The following MIAT variants were observed in gnomAD, a reference collection of about 807,000 sequenced individuals.
The protein encoded by MIAT is MI related novel mRNA.
At chr22:26,648,319 A>G (rs1307225176) in intron 2 of MIAT, among the ~76,000 whole-genome samples, 3 of 152,210 alleles carry the variant, frequency 2.0e-5, no homozygotes, top group African/African-American at 7.2e-5. Context: ...ACAAAAGGCC[A>G]GACAAAGAAG....
At chr22:26,667,400 A>ATG in intron 5 of MIAT, 1 of 381,952 alleles carries the variant, frequency 2.6e-6, no homozygotes, top group Non-Finnish European at 4.6e-6. Context: ...GCATGCGTGC[A>ATG]TGTGTGTGCG....
chr22:26,656,787 G>C (rs1369373306), intron 2 of MIAT, among the ~76,000 whole-genome samples: 3 of 152,166 alleles, frequency 2.0e-5, no homozygotes, highest in Non-Finnish European at 2.9e-5. Context: ...TGTAGTCCCA[G>C]CTACTCCGAA....
chr22:26,675,457 C>G (rs530516247), exon 5 of MIAT: 29 of 398,612 alleles, frequency 7.3e-5, no homozygotes, highest in African/African-American at 5.1e-4. Context: ...GCTTTTCCAG[C>G]CCAGGTGGAA....
In MIAT at chr22:26,667,417, T is replaced by C. The variant is rs1234080360; in HGVS notation, n.2262+107T>C. Reference sequence around the variant, plus strand: ...ATGCGTGCATGTGTGTGCGCGTGTATGTGTGTGTATGCGCGCGTGTGTGTG... The same window carrying C: ...ATGCGTGCATGTGTGTGCGCGTGTACGTGTGTGTATGCGCGCGTGTGTGTG... On this transcript the variant is annotated intron_variant and non_coding_transcript_variant, in intron 5 of 5. Coordinates refer to ENST00000643270, the Ensembl canonical transcript of MIAT. The C allele has an allele frequency of 5.7e-5, 17 of 300,860 alleles. No homozygotes were observed. The Admixed American group carries it at 1.2e-3, about 20-fold the overall frequency. The allele number at this position is 300,860 out of a possible 1,614,324, so 18.6% of individuals were successfully genotyped here.
exon 4 of MIAT, chr22:26,665,940 G>A (rs573897076): frequency 2.5e-6 from 1 of 398,676 alleles, no homozygotes; most frequent in Admixed American, 4.4e-5. Context: ...GGGACTCCCT[G>A]ATGATGTGAA....
chr22:26,653,137 C>T (rs190408314), intron 2 of MIAT, among the ~76,000 whole-genome samples: 66 of 152,310 alleles, frequency 4.3e-4, no homozygotes, highest in African/African-American at 1.4e-3. Context: ...CTTTGCTCAC[C>T]ACAAAGGCAC....
chr22:26,663,082 C>T (rs921314266), intron 2 of MIAT, among the ~76,000 whole-genome samples: 17 of 152,138 alleles, frequency 1.1e-4, no homozygotes, highest in Admixed American at 8.5e-4. Flanking sequence ...CACAGTTTGC[C>T]GGTGGCAGAG....
At chr22:26,674,421 G>A (rs1931183131), downstream of MIAT, 1 of 398,690 alleles carries the variant, frequency 2.5e-6, no homozygotes, top group African/African-American at 2.1e-5. Context: ...GAGTCTGCAG[G>A]AGAAGACAGT....
At chr22:26,663,336 A>T (rs1028385365) in exon 3 of MIAT, 2 of 398,514 alleles carry the variant, frequency 5.0e-6, no homozygotes, top group Non-Finnish European at 8.8e-6. Flanking sequence ...CTGTCCACCC[A>T]TGTGGTTCCA....
chr22:26,655,695 T>A (rs528681792), intron 2 of MIAT, among the ~76,000 whole-genome samples: 1 of 152,192 alleles, frequency 6.6e-6, no homozygotes, highest in Non-Finnish European at 1.5e-5. Flanking sequence ...GTTCTGAAGG[T>A]CGCTGGAATG....
chr22:26,663,616 G>T (rs1326606301), intron 3 of MIAT: 4 of 381,566 alleles, frequency 1.0e-5, no homozygotes, highest in Admixed American at 9.0e-5. Context: ...TGAAAGCTGA[G>T]ATGATGAGGC....
At chr22:26,651,557 C>T (rs529068020) in intron 2 of MIAT, among the ~76,000 whole-genome samples, 6 of 152,238 alleles carry the variant, frequency 3.9e-5, no homozygotes, top group African/African-American at 7.2e-5. Flanking sequence ...CCCAAAAGAA[C>T]GGAAAAGAAG....
At chr22:26,667,431 C>CGT (rs1792777643) in intron 5 of MIAT, 7 of 392,870 alleles carry the variant, frequency 1.8e-5, no homozygotes, top group South Asian at 1.4e-4. Context: ...TGTGTATGCG[C>CGT]GCGTGTGTGT....
At chr22:26,654,116 CAAT>C (rs1179566528) in intron 2 of MIAT, among the ~76,000 whole-genome samples, 1 of 152,128 alleles carries the variant, frequency 6.6e-6, no homozygotes, top group Non-Finnish European at 1.5e-5. Context: ...TACTTTAGAA[CAAT>C]AAATAGTCCA....
intron 2 of MIAT, chr22:26,660,823 G>A (rs1202980791): frequency 3.9e-5 from 6 of 152,250 alleles, no homozygotes; most frequent in Non-Finnish European, 5.9e-5. Flanking sequence ...GCAGGTCCGT[G>A]TGCAAATCCT....
exon 4 of MIAT, chr22:26,665,569 A>G (rs768062618): frequency 1.6e-4 from 62 of 398,662 alleles, no homozygotes; most frequent in Non-Finnish European, 1.6e-4. Flanking sequence ...ACAGAAGGGA[A>G]TTTCCAGGTT....
chr22:26,674,774 A>G lies in MIAT; in HGVS notation n.8442A>G, dbSNP rs139481488. On this transcript the variant is annotated non_coding_transcript_exon_variant, in exon 5 of 5. Transcript: ENST00000613780. ...TGCCTTGCTCCATTTCACTCAAAGCAGGAAGCTCACACCTCCTATTCCTGA... is the reference window on the plus strand; with the variant it reads ...TGCCTTGCTCCATTTCACTCAAAGCGGGAAGCTCACACCTCCTATTCCTGA... The G allele has an allele frequency of 1.3e-4, 51 of 398,698 alleles. 1 individual carries two copies. Among genetic ancestry groups the G allele is most frequent in the African/African-American group, 1.0e-3 (49 of 48,750 alleles). 24.7% of individuals were successfully genotyped at this position (398,698 alleles called of 1,614,324 possible).
At chr22:26,646,920 G>A (rs1930244259) in exon 1 of MIAT, 2 of 398,648 alleles carry the variant, frequency 5.0e-6, no homozygotes, top group Non-Finnish European at 8.8e-6. Context: ...GATGTTCAGA[G>A]CAAGAGATGA....
chr22:26,663,196 C>G, intron 2 of MIAT: 1 of 395,924 alleles, frequency 2.5e-6, no homozygotes, highest in Non-Finnish European at 4.5e-6. Context: ...GATCTGCATC[C>G]AAGGAGATCA....
Sources: gnomAD v4.1 joint callset for allele counts (sites outside exome capture counted in the v4.1 genomes callset) on GRCh38, gnomAD v4.1.1 for gene constraint, MANE v1.5 for transcripts, NCBI Gene and HGNC (gene_info 2026-07-23, HGNC 2026-07-21) for gene names.